PPP1R1C: variants seen among roughly 807,000 people sequenced by gnomAD.
The protein encoded by PPP1R1C is protein phosphatase 1 regulatory subunit 1C.
PPP1R1C carries 15 observed loss-of-function variants against 17.4 expected under a neutral mutation model. That is an observed-to-expected ratio of 0.86 (90% CI 0.58 to 1.33). The LOEUF is 1.33. PPP1R1C is among the 40% of genes most tolerant of loss of function. The probability of loss-of-function intolerance (pLI) is 0.00; values close to 1 mark genes in which losing one functional copy is unlikely to be tolerated. For missense variants in PPP1R1C, 143 were observed against 130.0 expected, an observed-to-expected ratio of 1.10 and a Z score of -0.48; for synonymous variants, 35 against 43.1, an observed-to-expected ratio of 0.81 and a Z score of 0.73.
chr2:181,961,234 C>T lies in PPP1R1C; in HGVS notation n.111+6600C>T. 1.1e-6 allele frequency: 1 copy of T among 871,940 alleles called. No individual in the cohort carries two copies. Among genetic ancestry groups the T allele is most frequent in the Non-Finnish European group, 1.9e-6 (1 of 523,790 alleles). The allele number at this position is 871,940 out of a possible 1,614,324, so 54.0% of individuals were successfully genotyped here. ...GTCTTAGAACTTTGGTGTCATTGGT[C>T]TCAGACACCACTTTGCGGCGGGTGG... is the stretch of plus-strand genomic sequence containing the variant. On this transcript the variant is annotated intron_variant and non_coding_transcript_variant, in intron 1 of 5. Transcript: ENST00000464264. The surrounding 1 kb of genome is among the most constrained non-coding windows in gnomAD (Gnocchi z 5.8).
chr2:182,091,767 A>G (rs1462546791), intron 4 of PPP1R1C, among the ~76,000 whole-genome samples: 1 of 152,094 alleles, frequency 6.6e-6, no homozygotes, highest in Non-Finnish European at 1.5e-5. Flanking sequence ...CAATAGTGCT[A>G]TATACCTCAC....
chr2:182,066,952 CTGTGTGTGTGTGTGTTTG>C (rs1381791863), intron 4 of PPP1R1C, among the ~76,000 whole-genome samples: 4 of 148,068 alleles, frequency 2.7e-5, no homozygotes, highest in Middle Eastern at 3.2e-3. Context: ...GTGTGTGTGT[CTGTGTGTGTGTGTGTTTG>C]TGTGTGTGTG....
At chr2:182,023,164 AATTT>A (rs1253355046) in intron 2 of PPP1R1C, among the ~76,000 whole-genome samples, 2 of 152,344 alleles carry the variant, frequency 1.3e-5, no homozygotes, top group South Asian at 2.1e-4. Context: ...AACAGAAAAA[AATTT>A]ATTTGTCAAT....
downstream of PPP1R1C, chr2:182,130,400 A>C (rs914853551): frequency 6.6e-6 from 1 of 152,178 alleles, no homozygotes; most frequent in African/African-American, 2.4e-5. Context: ...GGAGCCAAAG[A>C]CAACATTCTA....
In PPP1R1C at chr2:181,957,522, C is replaced by T. The variant is rs903111060; in HGVS notation, n.111+2888C>T. Among the ~76,000 whole-genome samples the T allele has an allele frequency of 2.0e-5, 3 of 152,170 alleles. No homozygotes were observed. Among genetic ancestry groups the T allele is most frequent in the Non-Finnish European group, 4.4e-5 (3 of 68,026 alleles). On this transcript the variant is annotated intron_variant and non_coding_transcript_variant, in intron 1 of 5. Transcript: ENST00000464264. The surrounding 1 kb of genome is among the most constrained non-coding windows in gnomAD (Gnocchi z 4.2). ...CTTTAACTTACTGAATCATAACAGA[C>T]ATTCATTCCATTGTTTATACGTAAA...
intron 2 of PPP1R1C, among the ~76,000 whole-genome samples, chr2:182,037,898 T>C (rs949670701): frequency 3.3e-5 from 5 of 152,166 alleles, no homozygotes; most frequent in African/African-American, 1.2e-4. Context: ...TATTAATTGA[T>C]CAAAGTCATG....
rs67129466 is a variant in PPP1R1C, at chr2:181,977,132, T to TAAAAAAA, written n.157+1903_157+1909dup. 4.5e-4 allele frequency among the ~76,000 whole-genome samples: 9 copies of TAAAAAAA among 19,844 alleles called. 1 individual carries two copies. The highest frequency in any genetic ancestry group is 4.8e-4 in the African/African-American group (4 of 8,290). 13.0% of individuals were successfully genotyped at this position (19,844 alleles called of 152,430 possible). On this transcript the variant is annotated intron_variant and non_coding_transcript_variant, in intron 2 of 5. Transcript: ENST00000464264. Reference sequence around the variant, plus strand: ...CTGGGCAACAGAGTGAGAATCTATCTAAAAAAAAAAAAAAAAAAAAAAAAA... The same window carrying TAAAAAAA: ...CTGGGCAACAGAGTGAGAATCTATCTAAAAAAAAAAAAAAAAAAAAAAAAAAAAAAAA...
At chr2:182,033,096 G>A (rs1168092089) in intron 2 of PPP1R1C, among the ~76,000 whole-genome samples, 1 of 152,094 alleles carries the variant, frequency 6.6e-6, no homozygotes, top group African/African-American at 2.4e-5. Context: ...CATTTTTAAA[G>A]TCCTTGATCC....
At chr2:182,057,822 G>T (rs1235816019) in intron 2 of PPP1R1C, among the ~76,000 whole-genome samples, 1 of 151,872 alleles carries the variant, frequency 6.6e-6, no homozygotes, top group Non-Finnish European at 1.5e-5. Context: ...ACTCTCTGTT[G>T]CTCTTCAAAA....
At chr2:182,072,195 C>T (rs891172474) in intron 4 of PPP1R1C, among the ~76,000 whole-genome samples, 1 of 152,168 alleles carries the variant, frequency 6.6e-6, no homozygotes, top group Non-Finnish European at 1.5e-5. Context: ...AACAATTCCT[C>T]ATTACTAGAA....
intron 2 of PPP1R1C, among the ~76,000 whole-genome samples, chr2:182,014,878 G>A (rs142857116): frequency 6.6e-6 from 1 of 152,062 alleles, no homozygotes; most frequent in African/African-American, 2.4e-5. Flanking sequence ...GTTCACTCAA[G>A]GCCCAAGGAC....
At position 181,962,361 on chromosome 2, in the gene PPP1R1C, C is replaced by T; in HGVS notation, n.111+7727C>T. 5.4e-6 allele frequency: 5 copies of T among 928,046 alleles called. No homozygotes were observed. Among genetic ancestry groups the T allele is most frequent in the South Asian group, 1.4e-5 (1 of 71,360 alleles). 57.5% of individuals were successfully genotyped at this position (928,046 alleles called of 1,614,324 possible). On this transcript the variant is annotated intron_variant and non_coding_transcript_variant, in intron 1 of 5. Coordinates refer to the PPP1R1C transcript ENST00000464264. This position sits in a 1 kb window ranked among gnomAD's most constrained non-coding sequence, Gnocchi z 6.0. ...ACGGATATCCGGGAACCAGAGCCCC[C>T]GGCGCCTGCATAGACGCTGGCCATG...
intron 2 of PPP1R1C, among the ~76,000 whole-genome samples, chr2:182,031,466 T>G (rs2125171471): frequency 6.6e-6 from 1 of 152,336 alleles, no homozygotes; most frequent in African/African-American, 2.4e-5. Context: ...TAAAAAAATT[T>G]AAATCATTTA....
intron 2 of PPP1R1C, among the ~76,000 whole-genome samples, chr2:182,011,916 G>C (rs1022759767): frequency 3.3e-5 from 5 of 151,956 alleles, no homozygotes; most frequent in Non-Finnish European, 5.9e-5. Flanking sequence ...ATGTGTGTGT[G>C]TATAGTTTCC....
intron 2 of PPP1R1C, among the ~76,000 whole-genome samples, chr2:182,056,960 TG>T (rs1687701361): frequency 1.3e-5 from 2 of 152,188 alleles, no homozygotes; most frequent in African/African-American, 4.8e-5. Context: ...TTTTTAAAAA[TG>T]GAAGTAATGG....
chr2:182,024,361 G>A (rs1476258422), intron 2 of PPP1R1C, among the ~76,000 whole-genome samples: 1 of 152,152 alleles, frequency 6.6e-6, no homozygotes, highest in East Asian at 1.9e-4. Flanking sequence ...TACAAAAACA[G>A]TTTGAGGACA....
intron 2 of PPP1R1C, among the ~76,000 whole-genome samples, chr2:182,013,527 C>T (rs971613100): frequency 3.3e-5 from 5 of 151,966 alleles, no homozygotes; most frequent in African/African-American, 1.2e-4. Context: ...GTTAAATCTG[C>T]TTGGTGTTCT....
chr2:182,019,869 C>T (rs1686365867), intron 2 of PPP1R1C, among the ~76,000 whole-genome samples: 1 of 152,182 alleles, frequency 6.6e-6, no homozygotes, highest in African/African-American at 2.4e-5. Context: ...TGAGCTGAAG[C>T]CAAGCTTAGC....
chr2:182,058,754 C>T (rs928212462), intron 2 of PPP1R1C, among the ~76,000 whole-genome samples: 2 of 152,134 alleles, frequency 1.3e-5, no homozygotes, highest in African/African-American at 4.8e-5. Context: ...AGTGCTTTCT[C>T]CAAGACAGAT....
Sources: allele counts gnomAD v4.1 joint callset (sites outside exome capture counted in the v4.1 genomes callset), GRCh38; gene constraint gnomAD v4.1.1; non-coding constraint Gnocchi (gnomAD v3.1); transcripts MANE v1.5; gene names NCBI Gene and HGNC (gene_info 2026-07-23, HGNC 2026-07-21).